Variants in FOXP2 observed in about 807,000 individuals in gnomAD.
FOXP2 encodes forkhead box protein P2.
Under a neutral mutation model 115.8 loss-of-function variants are expected in FOXP2, and 12 were observed. The ratio of observed to expected loss-of-function variants is 0.10; its 90% confidence interval spans 0.07 to 0.17. FOXP2 has a LOEUF of 0.17. Ranked by LOEUF, FOXP2 falls within the 10% of genes least tolerant of loss-of-function variation. The probability of loss-of-function intolerance (pLI) is 1.00; values close to 1 mark genes in which losing one functional copy is unlikely to be tolerated. For missense variants in FOXP2, 629 were observed against 843.5 expected (o/e 0.75, Z 3.15); for synonymous variants, 328 against 297.7 (o/e 1.10, Z -1.05).
chr7:114,482,512 C>A (rs1237192231), intron 2 of FOXP2, among the ~76,000 whole-genome samples: 2 of 151,438 alleles, frequency 1.3e-5, no homozygotes, highest in Non-Finnish European at 3.0e-5. Flanking sequence ...AGAATGACAA[C>A]AAGGTATGTC....
chr7:114,297,832 A>G (rs1472616156), intron 2 of FOXP2, among the ~76,000 whole-genome samples: 3 of 152,182 alleles, frequency 2.0e-5, no homozygotes, highest in South Asian at 4.1e-4. Flanking sequence ...AGGTTGTCAC[A>G]TTGTAGTTTT....
In FOXP2 at chr7:114,313,670, G is replaced by A. The variant is rs528932539; in HGVS notation, c.-11+25561G>A. Among the ~76,000 whole-genome samples, 370 of 56,854 alleles carry A rather than the reference G, an allele frequency of 6.5e-3. 66 individuals are homozygous for A. Among genetic ancestry groups the A allele is most frequent in the Non-Finnish European group, 8.3e-3 (266 of 32,184 alleles). The allele number at this position is 56,854 out of a possible 152,430, so 37.3% of individuals were successfully genotyped here. Reference sequence around the variant, plus strand: ...TGAGGCAGGAGAATGGCGTGAACCCGGGAGGCGGAGCTTGCAGTGAGCCGA... The same window carrying A: ...TGAGGCAGGAGAATGGCGTGAACCCAGGAGGCGGAGCTTGCAGTGAGCCGA... On this transcript the variant is annotated intron_variant, in intron 2 of 17. Transcript: ENST00000634411.
intron 1 of FOXP2, among the ~76,000 whole-genome samples, chr7:114,185,730 T>G (rs1793577371): frequency 6.6e-6 from 1 of 152,212 alleles, no homozygotes; most frequent in Non-Finnish European, 1.5e-5. Flanking sequence ...AAACCCTAGG[T>G]TCTTTGCCTC....
chr7:114,603,898 G>T (rs1204509912), intron 3 of FOXP2, among the ~76,000 whole-genome samples: 1 of 152,114 alleles, frequency 6.6e-6, no homozygotes, highest in African/African-American at 2.4e-5. Flanking sequence ...GTATTTTAAG[G>T]TTCTTAATTA....
intron 2 of FOXP2, among the ~76,000 whole-genome samples, chr7:114,525,136 A>G (rs1798799300): frequency 1.3e-5 from 2 of 152,176 alleles, no homozygotes; most frequent in Non-Finnish European, 2.9e-5. Flanking sequence ...GTTAAAATGT[A>G]CATACCTTTT....
At chr7:114,580,355 A>C (rs1238522420) in intron 3 of FOXP2, among the ~76,000 whole-genome samples, 1 of 152,194 alleles carries the variant, frequency 6.6e-6, no homozygotes, top group Non-Finnish European at 1.5e-5. Flanking sequence ...AGGCGGGTGG[A>C]TCACCTGAGG....
intron 2 of FOXP2, among the ~76,000 whole-genome samples, chr7:114,295,510 A>G (rs1017493842): frequency 2.0e-5 from 3 of 152,250 alleles, no homozygotes; most frequent in African/African-American, 7.2e-5. Context: ...AATGCTGTAG[A>G]AGAGATACCA....
intron 3 of FOXP2, among the ~76,000 whole-genome samples, chr7:114,611,583 A>G (rs1803631281): frequency 6.6e-6 from 1 of 152,238 alleles, no homozygotes; most frequent in Admixed American, 6.5e-5. Flanking sequence ...AGCTAAATTC[A>G]TAGGACCTAG....
intron 1 of FOXP2, among the ~76,000 whole-genome samples, chr7:114,246,837 A>T (rs1467142845): frequency 4.6e-5 from 7 of 152,282 alleles, no homozygotes. Context: ...GAGTCACCAG[A>T]TAGTTGAGAA....
intron 2 of FOXP2, among the ~76,000 whole-genome samples, chr7:114,500,628 T>A (rs193043144): frequency 2.0e-5 from 3 of 152,136 alleles, no homozygotes; most frequent in Non-Finnish European, 4.4e-5. Flanking sequence ...GATACAGAGA[T>A]TTGAGGGATT....
chr7:114,501,997 G>A lies in FOXP2; in HGVS notation c.169-32620G>A, dbSNP rs142905740. ...TTAAATCTCCAACATATCTAATTGT[G>A]TCTAGAAATAATCTGTGAATTGAGG... On this transcript the variant is annotated intron_variant, in intron 2 of 16. Transcript: ENST00000350908. 3.3e-5 allele frequency among the ~76,000 whole-genome samples: 5 copies of A among 152,096 alleles called. No individual in the cohort carries two copies. The East Asian group carries it at 7.7e-4, about 23-fold the overall frequency.
chr7:114,412,182 A>T (rs1156572074), upstream of FOXP2, among the ~76,000 whole-genome samples: 1 of 152,174 alleles, frequency 6.6e-6, no homozygotes, highest in Non-Finnish European at 1.5e-5. Flanking sequence ...TTTTAAAATT[A>T]CTATGATTAT....
chr7:114,620,689 A>G (rs549718671), intron 3 of FOXP2, among the ~76,000 whole-genome samples: 22 of 152,200 alleles, frequency 1.4e-4, no homozygotes, highest in Non-Finnish European at 2.6e-4. Flanking sequence ...ACAGTATGAT[A>G]TCTCATAATT....
intron 1 of FOXP2, among the ~76,000 whole-genome samples, chr7:114,203,544 A>G (rs550143009): frequency 1.1e-4 from 16 of 151,924 alleles, no homozygotes; most frequent in African/African-American, 3.9e-4. Flanking sequence ...GGGCTTTGCC[A>G]TGTTGCCCAG....
intron 16 of FOXP2, among the ~76,000 whole-genome samples, chr7:114,686,065 G>A (rs921800002): frequency 1.3e-5 from 2 of 150,830 alleles, no homozygotes; most frequent in African/African-American, 4.9e-5. Flanking sequence ...TAAACTTTTT[G>A]CCCCATCTAA....
chr7:114,507,959 A>C (rs888712297), intron 2 of FOXP2, among the ~76,000 whole-genome samples: 1 of 151,954 alleles, frequency 6.6e-6, no homozygotes, highest in African/African-American at 2.4e-5. Flanking sequence ...TCACCTGAGA[A>C]CAAATGATAA....
intron 3 of FOXP2, among the ~76,000 whole-genome samples, chr7:114,618,726 T>C (rs1804080210): frequency 6.6e-6 from 1 of 152,202 alleles, no homozygotes; most frequent in South Asian, 2.1e-4. Context: ...CTCAGGAGTC[T>C]ATGTAGGTGA....
chr7:114,227,473 A>G lies in FOXP2; in HGVS notation c.-101-60546A>G, dbSNP rs16869691. Among the ~76,000 whole-genome samples, 412 of 152,162 alleles carry G rather than the reference A, an allele frequency of 2.7e-3. 1 individual carries two copies. The highest frequency in any genetic ancestry group is 9.1e-3 in the African/African-American group (379 of 41,546). On this transcript the variant is annotated intron_variant, in intron 1 of 17. Transcript: ENST00000634411. ...TGTGCTTTCTTTTTCTTTAATAAAC[A>G]CTTAAAAATATATTGCTTGCAGTTG...
At chr7:114,310,499 A>G (rs559263148) in intron 2 of FOXP2, among the ~76,000 whole-genome samples, 1 of 151,628 alleles carries the variant, frequency 6.6e-6, no homozygotes, top group Non-Finnish European at 1.5e-5. Flanking sequence ...GCATAGTAGC[A>G]GATTAGCTGT....
Sources: allele counts gnomAD v4.1 joint callset (sites outside exome capture counted in the v4.1 genomes callset), GRCh38; gene constraint gnomAD v4.1.1; transcripts MANE v1.5; gene names NCBI Gene and HGNC (gene_info 2026-07-23, HGNC 2026-07-21).